Variants in PDE8B observed in about 807,000 individuals in gnomAD.
PDE8B encodes the protein phosphodiesterase 8B, also known as high affinity cAMP-specific and IBMX-insensitive 3',5'-cyclic phosphodiesterase 8B.
In PDE8B, 26 loss-of-function variants were observed where a neutral mutation model predicts 101.3. The ratio of observed to expected loss-of-function variants is 0.26; its 90% CI spans 0.19 to 0.36. The LOEUF is 0.36. Among genes scored for constraint, PDE8B ranks in the 10% least tolerant of loss-of-function variants. The pLI is 1.00. For missense variants in PDE8B, 810 were observed against 1,163.1 expected, an observed-to-expected ratio of 0.70 and a Z score of 4.42; for synonymous variants, 424 against 429.3, an observed-to-expected ratio of 0.99 and a Z score of 0.15.
At chr5:77,213,467 G>A (rs544755600) in intron 1 of PDE8B, among the ~76,000 whole-genome samples, 1 of 152,340 alleles carries the variant, frequency 6.6e-6, no homozygotes, top group African/African-American at 2.4e-5. Context: ...GTGACTCGGT[G>A]TTGTATTGTC....
intron 1 of PDE8B, among the ~76,000 whole-genome samples, chr5:77,234,972 A>G (rs1754371917): frequency 1.3e-5 from 2 of 152,174 alleles, no homozygotes; most frequent in South Asian, 4.1e-4. Flanking sequence ...TGTCATCATC[A>G]TATTGTTGGA....
At chr5:77,100,351 T>C in the PDE8B span, 13 of 152,268 alleles carry the variant, frequency 8.5e-5, no homozygotes, top group African/African-American at 4.8e-5. Flanking sequence ...GGATCAAAGC[T>C]ATCTGCTGTG....
the PDE8B span, among the ~76,000 whole-genome samples, chr5:77,188,816 A>T: frequency 6.6e-6 from 1 of 152,274 alleles, no homozygotes; most frequent in Non-Finnish European, 1.5e-5. Context: ...TGAATGGGTG[A>T]CCTGAAGGCT....
chr5:77,180,677 C>T, the PDE8B span, among the ~76,000 whole-genome samples: 1 of 152,230 alleles, frequency 6.6e-6, no homozygotes, highest in African/African-American at 2.4e-5. Context: ...CCTTCCTTTC[C>T]AGGCGGGAAG....
intron 1 of PDE8B, chr5:77,290,801 C>G: frequency 6.7e-7 from 1 of 1,488,394 alleles, no homozygotes; most frequent in East Asian, 2.3e-5. Flanking sequence ...GGAACAACGC[C>G]ATTGTCATGA....
intron 1 of PDE8B, among the ~76,000 whole-genome samples, chr5:77,247,384 A>T (rs7727976): frequency 0.45 from 67,778 of 151,984 alleles, 15,589 homozygotes; most frequent in East Asian, 0.75. Flanking sequence ...GTCCCAAATG[A>T]GGGCCATGTC....
chr5:77,165,998 GAAA>G, the PDE8B span, among the ~76,000 whole-genome samples: 40,417 of 141,054 alleles, frequency 0.29, 6,638 homozygotes, highest in Non-Finnish European at 0.38. Context: ...AAAAGAAAAA[GAAA>G]AAAAAAAGGA....
intron 10 of PDE8B, among the ~76,000 whole-genome samples, chr5:77,362,122 T>C (rs1219562196): frequency 1.3e-5 from 2 of 152,178 alleles, no homozygotes; most frequent in African/African-American, 4.8e-5. Context: ...AACTCTGCCA[T>C]TGTAATGGGA....
chr5:77,137,340 A>C, the PDE8B span, among the ~76,000 whole-genome samples: 2 of 152,224 alleles, frequency 1.3e-5, no homozygotes, highest in Admixed American at 1.3e-4. Context: ...GCTGGATTGA[A>C]AGACAAGAGC....
chr5:77,231,206 G>C (rs779194628), intron 1 of PDE8B, among the ~76,000 whole-genome samples: 1 of 152,110 alleles, frequency 6.6e-6, no homozygotes, highest in Non-Finnish European at 1.5e-5. Context: ...TTTGGAATGC[G>C]TTTTTTACCT....
chr5:77,145,995 T>G, the PDE8B span: 3 of 152,260 alleles, frequency 2.0e-5, no homozygotes, highest in African/African-American at 7.2e-5. Flanking sequence ...TGCTTTGGAC[T>G]GTAACTCCTT....
the PDE8B span, among the ~76,000 whole-genome samples, chr5:77,129,235 G>C: frequency 0.78 from 119,100 of 152,060 alleles, 47,577 homozygotes; most frequent in East Asian, 0.95. Context: ...TGGGTCTCTA[G>C]TTGTTTTAAA....
In PDE8B at chr5:77,287,444, A is replaced by AT. The variant is rs1166980067; in HGVS notation, c.340-24541dup. The stretch of plus-strand genomic sequence containing the variant: ...CACTTAGGTATTTTTTTTTCTTCAT[A>AT]TTTTTTTTTCTCTTTAGGGCCTACA... On this transcript the variant is annotated intron_variant, in intron 1 of 21. Transcript: ENST00000264917. Among the ~76,000 whole-genome samples, 5 of 145,830 alleles carry AT rather than the reference A, an allele frequency of 3.4e-5. No individual in the cohort carries two copies. The South Asian group carries it at 6.6e-4, about 19-fold the overall frequency.
chr5:77,180,399 A>AGGCGCCAGGCACGGGC, the PDE8B span: 5 of 977,460 alleles, frequency 5.1e-6, no homozygotes, highest in African/African-American at 8.8e-5. Flanking sequence ...TGCGGGGCTA[A>AGGCGCCAGGCACGGGC]GGCGCCAGGC....
intron 1 of PDE8B, among the ~76,000 whole-genome samples, chr5:77,231,501 T>A (rs1753551206): frequency 1.3e-5 from 2 of 152,254 alleles, no homozygotes; most frequent in South Asian, 4.1e-4. Flanking sequence ...CCTTCGTTTC[T>A]GTCTTTTGTG....
intron 1 of PDE8B, among the ~76,000 whole-genome samples, chr5:77,310,023 T>C (rs1286936189): frequency 3.8e-5 from 5 of 130,386 alleles, no homozygotes; most frequent in Admixed American, 8.4e-5. Context: ...GGTTTCGGCT[T>C]ACTGCAACCT....
chr5:77,244,444 C>G (rs1756451573), intron 1 of PDE8B, among the ~76,000 whole-genome samples: 1 of 152,124 alleles, frequency 6.6e-6, no homozygotes, highest in African/African-American at 2.4e-5. Context: ...GTCTAGGAAA[C>G]CATACAGGCT....
intron 1 of PDE8B, among the ~76,000 whole-genome samples, chr5:77,285,127 T>C (rs903942238): frequency 1.3e-5 from 2 of 152,206 alleles, no homozygotes; most frequent in African/African-American, 4.8e-5. Flanking sequence ...TTTTGATGAA[T>C]AGAAATGTAA....
At chr5:77,134,464 AGACACAGCAAGT>A in the PDE8B span, 2 of 152,210 alleles carry the variant, frequency 1.3e-5, no homozygotes. Context: ...GCTTGGCAGG[AGACACAGCAAGT>A]GTCCCATTGA....
Sources: gnomAD v4.1 joint callset for allele counts (sites outside exome capture counted in the v4.1 genomes callset) on GRCh38, gnomAD v4.1.1 for gene constraint, MANE v1.5 for transcripts, NCBI Gene and HGNC (gene_info 2026-07-23, HGNC 2026-07-21) for gene names.